RGS6: variants seen among roughly 807,000 people sequenced by gnomAD.
RGS6 encodes the protein regulator of G protein signaling 6.
RGS6 carries 30 observed loss-of-function variants against 78.5 expected under a neutral mutation model. The ratio of observed to expected loss-of-function variants is 0.38; its 90% CI spans 0.29 to 0.52. The LOEUF is 0.52. Ranked by LOEUF, RGS6 falls within the 20% of genes least tolerant of loss-of-function variation. The pLI is 0.85. For synonymous variants in RGS6, 206 were observed against 206.0 expected, an observed-to-expected ratio of 1.00 and a Z score of 0.00; for missense variants, 495 against 609.7, an observed-to-expected ratio of 0.81 and a Z score of 1.98.
Position 72,024,045 on chromosome 14 carries a change from A to G in RGS6, c.84+59170A>G, listed in dbSNP as rs552569725. Among the ~76,000 whole-genome samples the G allele has an allele frequency of 7.1e-5, 8 of 112,430 alleles. No homozygotes were observed. In the South Asian group the frequency reaches 2.1e-3, roughly 30 times the overall value. 73.8% of individuals were successfully genotyped at this position (112,430 alleles called of 152,430 possible). A position where few individuals can be genotyped will look rare whatever the true frequency, so the allele number is the denominator to read the frequency against. ...TACTCAATTAGATTCTGCTTTGTAC[A>G]TGTAGCACTTAGCACTGTGTCTAGC... On this transcript the variant is annotated intron_variant, in intron 2 of 17. Transcript: ENST00000553525.
At chr14:72,553,182 G>C (rs1336913104) in intron 17 of RGS6, 1 of 152,586 alleles carries the variant, frequency 6.6e-6, no homozygotes, top group East Asian at 1.9e-4. Flanking sequence ...CATGCCCTCT[G>C]CAGCTGTGTG....
chr14:71,993,346 A>AT, intron 2 of RGS6, among the ~76,000 whole-genome samples: 1 of 152,280 alleles, frequency 6.6e-6, no homozygotes, highest in Admixed American at 6.5e-5. Context: ...GATGGAATTC[A>AT]TTTTCCAATG....
chr14:72,510,323 G>A, intron 14 of RGS6, 44 bp downstream of exon 14: 1 of 1,612,462 alleles, frequency 6.2e-7, no homozygotes, highest in Non-Finnish European at 8.5e-7. Context: ...TGTGTGTGAA[G>A]AAATTTGCAT....
intron 2 of RGS6, among the ~76,000 whole-genome samples, chr14:72,255,885 C>A (rs1330069886): frequency 6.6e-6 from 1 of 152,156 alleles, no homozygotes; most frequent in Non-Finnish European, 1.5e-5. Context: ...TGTTCAAATA[C>A]CCATTTTTTG....
chr14:72,507,900 G>T (rs1192035755), intron 13 of RGS6, among the ~76,000 whole-genome samples: 1 of 152,226 alleles, frequency 6.6e-6, no homozygotes, highest in African/African-American at 2.4e-5. Context: ...AAGAGACAAT[G>T]TCCTGCAGTC....
intron 3 of RGS6, among the ~76,000 whole-genome samples, chr14:72,398,242 C>A (rs1415548694): frequency 1.3e-5 from 2 of 152,146 alleles, no homozygotes; most frequent in Non-Finnish European, 2.9e-5. Flanking sequence ...TGTTATTGGT[C>A]TATTCAGAGA....
At chr14:72,472,774 A>G in intron 8 of RGS6, 98 bp from the exon 9 acceptor site, 2 of 828,290 alleles carry the variant, frequency 2.4e-6, no homozygotes, top group Non-Finnish European at 4.0e-6. Context: ...CCTTGTGTTC[A>G]CTTAGCCCCT....
chr14:72,104,466 A>G (rs1243643733), intron 2 of RGS6, among the ~76,000 whole-genome samples: 1 of 152,214 alleles, frequency 6.6e-6, no homozygotes, highest in Non-Finnish European at 1.5e-5. Flanking sequence ...GCATTTATAA[A>G]ATAAAGGAAA....
intron 3 of RGS6, among the ~76,000 whole-genome samples, chr14:72,381,854 T>C (rs1048931698): frequency 2.0e-5 from 3 of 152,072 alleles, no homozygotes; most frequent in African/African-American, 7.2e-5. Context: ...TTCTAACTAC[T>C]GGAAAATAAG....
intron 2 of RGS6, among the ~76,000 whole-genome samples, chr14:72,050,896 C>T (rs2093193423): frequency 6.6e-6 from 1 of 152,118 alleles, no homozygotes; most frequent in African/African-American, 2.4e-5. Flanking sequence ...TGGAACCAAT[C>T]CCCCAAGTGA....
chr14:72,170,219 C>A (rs1236988354), intron 2 of RGS6, among the ~76,000 whole-genome samples: 1 of 152,182 alleles, frequency 6.6e-6, no homozygotes, highest in Non-Finnish European at 1.5e-5. Context: ...ATTCTGCCAA[C>A]CAAAATGATC....
chr14:72,229,166 C>G (rs2048896100), intron 2 of RGS6, among the ~76,000 whole-genome samples: 1 of 152,070 alleles, frequency 6.6e-6, no homozygotes, highest in Non-Finnish European at 1.5e-5. Flanking sequence ...TAAAATAAAC[C>G]CTTCTAAAAA....
intron 2 of RGS6, among the ~76,000 whole-genome samples, chr14:72,134,542 GC>G (rs1052635891): frequency 2.0e-5 from 3 of 152,212 alleles, no homozygotes; most frequent in African/African-American, 2.4e-5. Flanking sequence ...GCAGGCATGT[GC>G]CATTTAACAT....
the RGS6 span, among the ~76,000 whole-genome samples, chr14:72,580,317 C>CCCG: frequency 1.3e-5 from 2 of 148,704 alleles, no homozygotes; most frequent in Admixed American, 1.3e-4. Flanking sequence ...TCCCCCCCAC[C>CCCG]CCGACCCCAG....
At chr14:71,925,323 A>G in the RGS6 span, among the ~76,000 whole-genome samples, 13 of 152,284 alleles carry the variant, frequency 8.5e-5, no homozygotes, top group East Asian at 2.5e-3. Context: ...TATTAGACAT[A>G]AGGCTTGCAG....
At chr14:72,624,254 A>C in the RGS6 span, among the ~76,000 whole-genome samples, 1 of 152,018 alleles carries the variant, frequency 6.6e-6, no homozygotes, top group African/African-American at 2.4e-5. Context: ...TACGAAAATC[A>C]GAAAATTACC....
Position 71,935,794 on chromosome 14 carries a change from A to G in RGS6, c.-21+2853A>G, listed in dbSNP as rs116319428. 1.5e-3 allele frequency among the ~76,000 whole-genome samples: 221 copies of G among 152,030 alleles called. 1 individual carries two copies. Among genetic ancestry groups the G allele is most frequent in the African/African-American group, 4.7e-3 (197 of 41,480 alleles). On this transcript the variant is annotated intron_variant, in intron 1 of 17. Coordinates refer to ENST00000553525, the MANE Select transcript of RGS6 (RefSeq NM_001204424.2). ...ATTTAACTAATTAAGCTAATGACGT[A>G]TTTATTGCTTTGACATGAGAATGAT...
At chr14:72,117,273 G>A (rs779143289) in intron 2 of RGS6, among the ~76,000 whole-genome samples, 1 of 152,094 alleles carries the variant, frequency 6.6e-6, no homozygotes, top group East Asian at 1.9e-4. Context: ...GGAGGTGGGG[G>A]CTGGTGGGAG....
intron 2 of RGS6, among the ~76,000 whole-genome samples, chr14:72,036,482 CTGTT>C (rs2091734513): frequency 6.6e-6 from 1 of 152,160 alleles, no homozygotes; most frequent in Admixed American, 6.5e-5. Context: ...AACTGCCACA[CTGTT>C]TGCCAGAGTA....
Sources: gnomAD v4.1 joint callset for allele counts (sites outside exome capture counted in the v4.1 genomes callset) on GRCh38, gnomAD v4.1.1 for gene constraint, MANE v1.5 for transcripts, NCBI Gene and HGNC (gene_info 2026-07-23, HGNC 2026-07-21) for gene names.